DIS3L2: variants seen among roughly 807,000 people sequenced by gnomAD.
DIS3L2 encodes the protein DIS3-like exonuclease 2.
DIS3L2 carries 34 observed loss-of-function variants against 97.5 expected under a neutral mutation model. That is an observed-to-expected ratio of 0.35 (90% confidence interval 0.27 to 0.46). DIS3L2 has a LOEUF of 0.46. Among genes scored for constraint, DIS3L2 ranks in the 20% least tolerant of loss-of-function variants. The pLI, the probability that DIS3L2 is intolerant of heterozygous loss-of-function variation, is 1.00. For synonymous variants in DIS3L2, 435 were observed against 445.2 expected, an observed-to-expected ratio of 0.98 and a Z score of 0.29; for missense variants, 1,038 against 1,146.0, an observed-to-expected ratio of 0.91 and a Z score of 1.36.
At chr2:232,265,473 A>T (rs1693830315) in intron 13 of DIS3L2, among the ~76,000 whole-genome samples, 1 of 152,180 alleles carries the variant, frequency 6.6e-6, no homozygotes, top group Non-Finnish European at 1.5e-5. Flanking sequence ...TCCCTCTGTA[A>T]AACGCAGTGA....
intron 1 of DIS3L2, among the ~76,000 whole-genome samples, chr2:232,013,567 G>C (rs941729593): frequency 2.0e-5 from 3 of 152,004 alleles, no homozygotes; most frequent in African/African-American, 7.3e-5. Flanking sequence ...GTACTCTCAG[G>C]TTTCCTGACC....
intron 1 of DIS3L2, among the ~76,000 whole-genome samples, chr2:231,981,371 G>T (rs1346665411): frequency 2.0e-5 from 3 of 151,258 alleles, no homozygotes; most frequent in African/African-American, 7.3e-5. Context: ...ATCATTGTTG[G>T]CATATAGGCA....
chr2:232,109,303 C>T (rs745327093), intron 6 of DIS3L2, among the ~76,000 whole-genome samples: 9 of 151,830 alleles, frequency 5.9e-5, no homozygotes, highest in South Asian at 2.1e-4. Flanking sequence ...AAAATTAGCT[C>T]GGTGGCACAC....
downstream of DIS3L2, among the ~76,000 whole-genome samples, chr2:232,340,075 A>G (rs551656852): frequency 2.6e-5 from 4 of 152,310 alleles, no homozygotes; most frequent in South Asian, 4.1e-4. Flanking sequence ...AGTCATTACT[A>G]TAGGCGGAGA....
At chr2:232,194,033 C>T (rs956309053) in intron 9 of DIS3L2, among the ~76,000 whole-genome samples, 4 of 152,104 alleles carry the variant, frequency 2.6e-5, no homozygotes, top group African/African-American at 9.7e-5. Flanking sequence ...TTGCTTGAAC[C>T]TGGGAAGCAG....
intron 6 of DIS3L2, among the ~76,000 whole-genome samples, chr2:232,117,026 G>A: frequency 6.6e-6 from 1 of 152,166 alleles, no homozygotes; most frequent in East Asian, 1.9e-4. Context: ...TCATGTGGCT[G>A]CTCCCCTTGG....
chr2:232,030,818 T>G (rs1694785226), intron 5 of DIS3L2, among the ~76,000 whole-genome samples: 1 of 152,152 alleles, frequency 6.6e-6, no homozygotes, highest in Non-Finnish European at 1.5e-5. Context: ...TTGTTTTATT[T>G]ATTTGAAGAA....
intron 1 of DIS3L2, among the ~76,000 whole-genome samples, chr2:231,970,148 A>T (rs1440018016): frequency 1.3e-5 from 2 of 151,868 alleles, no homozygotes; most frequent in Non-Finnish European, 2.9e-5. Context: ...AGGTCTTGTT[A>T]TGTGGTCGAG....
intron 1 of DIS3L2, among the ~76,000 whole-genome samples, chr2:231,976,090 T>C (rs1009491815): frequency 6.6e-6 from 1 of 152,118 alleles, no homozygotes; most frequent in Admixed American, 6.6e-5. Context: ...TTATTTCAGT[T>C]TTTATTTCAA....
In DIS3L2 at chr2:232,335,885, C is replaced by G; in HGVS notation, c.2496+11C>G. ...GAGCCAGCACAGCAGGTCAGAACCCCTCTGTGTCCCAGCCCCCTAAGTCCT... is the reference window on the plus strand; with the variant it reads ...GAGCCAGCACAGCAGGTCAGAACCCGTCTGTGTCCCAGCCCCCTAAGTCCT... On this transcript the variant is annotated intron_variant, in intron 20 of 20. Coordinates refer to ENST00000325385, the MANE Select transcript of DIS3L2 (RefSeq NM_152383.5). 1.3e-6 allele frequency: 2 copies of G among 1,550,176 alleles called. No homozygotes were observed. Among genetic ancestry groups the G allele is most frequent in the Non-Finnish European group, 1.7e-6 (2 of 1,146,954 alleles).
chr2:232,240,186 C>T (rs768701313), intron 11 of DIS3L2, among the ~76,000 whole-genome samples: 3 of 152,212 alleles, frequency 2.0e-5, no homozygotes, highest in Non-Finnish European at 4.4e-5. Flanking sequence ...CCTCCTCTCC[C>T]CTGCCCCAGG....
chr2:232,071,696 T>C (rs564375427), intron 5 of DIS3L2, among the ~76,000 whole-genome samples: 1 of 152,138 alleles, frequency 6.6e-6, no homozygotes, highest in Non-Finnish European at 1.5e-5. Flanking sequence ...AGCCAAAGAA[T>C]AGAGAAGTAG....
intron 9 of DIS3L2, among the ~76,000 whole-genome samples, chr2:232,173,300 G>A (rs1192640982): frequency 1.3e-5 from 2 of 152,098 alleles, no homozygotes; most frequent in Non-Finnish European, 2.9e-5. Context: ...AGTAGTGCGA[G>A]CTCAGCTGCA....
chr2:232,064,463 G>A (rs1003006617), intron 5 of DIS3L2, among the ~76,000 whole-genome samples: 1 of 152,060 alleles, frequency 6.6e-6, no homozygotes, highest in African/African-American at 2.4e-5. Context: ...GTTGTTTTCA[G>A]TTTTTGATGA....
At chr2:232,033,678 G>A (rs1694872824) in intron 5 of DIS3L2, among the ~76,000 whole-genome samples, 1 of 152,162 alleles carries the variant, frequency 6.6e-6, no homozygotes, top group Non-Finnish European at 1.5e-5. Flanking sequence ...TTAGCATAAA[G>A]GGGTGTTGAA....
At chr2:232,159,798 T>C (rs1445656130) in intron 8 of DIS3L2, among the ~76,000 whole-genome samples, 1 of 152,240 alleles carries the variant, frequency 6.6e-6, no homozygotes, top group Non-Finnish European at 1.5e-5. Context: ...TTCCTGTTAC[T>C]CATGTGCTGA....
At chr2:232,147,072 C>G (rs1362963767) in intron 8 of DIS3L2, among the ~76,000 whole-genome samples, 1 of 151,992 alleles carries the variant, frequency 6.6e-6, no homozygotes, top group African/African-American at 2.4e-5. Context: ...TTATCTGTTG[C>G]TTGACATCTA....
chr2:231,972,733 G>A lies in DIS3L2; in HGVS notation c.-94+10968G>A, dbSNP rs151025734. On this transcript the variant is annotated intron_variant, in intron 1 of 20. Coordinates refer to ENST00000325385, the MANE Select transcript of DIS3L2 (RefSeq NM_152383.5). ...TAATTTTTCTGTTTTTAGTAGAGATGAGGTTTTACCATGTTGCCCAAGCTG... is the reference window on the plus strand; with the variant it reads ...TAATTTTTCTGTTTTTAGTAGAGATAAGGTTTTACCATGTTGCCCAAGCTG... Among the ~76,000 whole-genome samples the A allele has an allele frequency of 2.0e-4, 31 of 152,090 alleles. No individual in the cohort carries two copies. In the East Asian group the frequency reaches 6.0e-3, roughly 29 times the overall value.
At chr2:232,031,544 C>T (rs1288218313) in intron 5 of DIS3L2, among the ~76,000 whole-genome samples, 3 of 150,046 alleles carry the variant, frequency 2.0e-5, no homozygotes, top group African/African-American at 7.4e-5. Flanking sequence ...ATACATGTGC[C>T]GAATGAGCAG....
Sources: gnomAD v4.1 joint callset for allele counts (sites outside exome capture counted in the v4.1 genomes callset) on GRCh38, gnomAD v4.1.1 for gene constraint, MANE v1.5 for transcripts, NCBI Gene and HGNC (gene_info 2026-07-23, HGNC 2026-07-21) for gene names.